The following RHD variants were observed in gnomAD, a reference collection of about 807,000 sequenced individuals.
RHD encodes the protein Rh blood group D antigen.
RHD carries 16 observed loss-of-function variants against 45.5 expected under a neutral mutation model. That is an observed-to-expected ratio of 0.35 (90% CI 0.24 to 0.53). RHD has a LOEUF of 0.53. Ranked by LOEUF, RHD falls within the 20% of genes least tolerant of loss-of-function variation. The pLI is 0.92. For synonymous variants in RHD, 131 were observed against 217.5 expected, an observed-to-expected ratio of 0.60 and a Z score of 3.50; for missense variants, 306 against 532.0, an observed-to-expected ratio of 0.58 and a Z score of 4.18.
rs200415166 is a variant in RHD at position 25,306,624 on chromosome 1, C to A, written c.968C>A (p.Pro323His). 88 of 1,377,838 alleles carry A rather than the reference C, an allele frequency of 6.4e-5. 9 individuals are homozygous for A. In the East Asian group the frequency reaches 1.1e-3, roughly 18 times the overall value. The allele number at this position is 1,377,838 out of a possible 1,614,324, so 85.4% of individuals were successfully genotyped here. The change falls in exon 7 of 10, where the codon CCC becomes CAC. Residue 323 changes from proline to histidine, a missense_variant. Transcript: ENST00000328664. ...PGCCNRVLGIPHSSIMGYNFS... is the reference protein window; with the variant it reads ...PGCCNRVLGIHHSSIMGYNFS... ...TGTTGTAACCGAGTGCTGGGGATTC[C>A]CCACAGCTCCATCATGGGCTACAAC...
rs778010642 is a variant in RHD at position 25,329,156 on chromosome 1, T to C, written c.*232T>C. ...CAATAAAATACAGCCATGTACCACA[T>C]AACAACATCTTGGTAAACAACAGAC... On this transcript the variant is annotated 3_prime_UTR_variant, in exon 10 of 10. Coordinates refer to ENST00000328664, the MANE Select transcript of RHD (RefSeq NM_016124.6). 3.9e-5 allele frequency: 39 copies of C among 1,002,026 alleles called. 7 individuals carry two copies. The South Asian group carries it at 5.4e-4, about 14-fold the overall frequency. The allele number at this position is 1,002,026 out of a possible 1,614,324, so 62.1% of individuals were successfully genotyped here.
Position 25,304,039 on chromosome 1 carries a change from G to A in RHD, c.939+580G>A, listed in dbSNP as rs1249532752. Reference sequence around the variant, plus strand: ...GATGATGTGAGAGGAGCAGCACCCAGAAGAGGGAGTGCTGGGCTGATGGTC... The same window carrying A: ...GATGATGTGAGAGGAGCAGCACCCAAAAGAGGGAGTGCTGGGCTGATGGTC... On this transcript the variant is annotated intron_variant, in intron 6 of 9. Transcript: ENST00000328664. 1.7e-4 allele frequency among the ~76,000 whole-genome samples: 14 copies of A among 84,842 alleles called. 1 individual carries two copies. The highest frequency in any genetic ancestry group is 2.8e-5 in the Non-Finnish European group (1 of 35,164). The allele number at this position is 84,842 out of a possible 152,430, so 55.7% of individuals were successfully genotyped here.
In RHD at chr1:25,296,337, C is replaced by A. The variant is rs1177164564; in HGVS notation, c.487-4609C>A. Among the ~76,000 whole-genome samples the A allele has an allele frequency of 1.1e-4, 13 of 123,292 alleles. 3 individuals are homozygous for A. Among genetic ancestry groups the A allele is most frequent in the Non-Finnish European group, 2.3e-4 (12 of 51,918 alleles). 80.9% of individuals were successfully genotyped at this position (123,292 alleles called of 152,430 possible). A position where few individuals can be genotyped will look rare whatever the true frequency, so the allele number is the denominator to read the frequency against. On this transcript the variant is annotated intron_variant, in intron 3 of 9. Transcript: ENST00000328664. ...TCTCGGCTCACTGCAACCTCCGCCTCCTGGATTCAAGCAATTCTTGTGCCT... is the reference window on the plus strand; with the variant it reads ...TCTCGGCTCACTGCAACCTCCGCCTACTGGATTCAAGCAATTCTTGTGCCT...
At chr1:25,278,474 G>A (rs1641204932) in intron 1 of RHD, among the ~76,000 whole-genome samples, 1 of 131,644 alleles carries the variant, frequency 7.6e-6, no homozygotes, top group South Asian at 2.3e-4. Context: ...AACTGGGCTG[G>A]GTTCAGCTGG....
rs1042846562 is a variant in RHD, at chr1:25,291,312, T to C, written c.486+521T>C. ...GGGGGAACCTCATCTCTACTAAAAA[T>C]ACAAAATTTAGCTGGGCATGGTGGC... On this transcript the variant is annotated intron_variant, in intron 3 of 9. Coordinates refer to ENST00000328664, the MANE Select transcript of RHD (RefSeq NM_016124.6). Among the ~76,000 whole-genome samples the C allele has an allele frequency of 1.5e-5, 2 of 129,132 alleles. 1 individual carries two copies. The highest frequency in any genetic ancestry group is 1.5e-4 in the Admixed American group (2 of 13,266). The allele number at this position is 129,132 out of a possible 152,430, so 84.7% of individuals were successfully genotyped here. A position where few individuals can be genotyped will look rare whatever the true frequency, so the allele number is the denominator to read the frequency against.
chr1:25,308,643 A>C (rs148566051), intron 7 of RHD, among the ~76,000 whole-genome samples: 1,341 of 130,986 alleles, frequency 0.01, 362 homozygotes, highest in Non-Finnish European at 0.02. Flanking sequence ...AGATGAGAAC[A>C]ATCAGCCCAC....
At position 25,322,246 on chromosome 1, in the gene RHD, A is replaced by G. The variant is rs1028937965; in HGVS notation, c.1227+284A>G. ...CCACACTTCCCCTCCCCCTATCTGCAGTCCTCAGCGTAGCCAAATAGTCTG... is the reference window on the plus strand; with the variant it reads ...CCACACTTCCCCTCCCCCTATCTGCGGTCCTCAGCGTAGCCAAATAGTCTG... On this transcript the variant is annotated intron_variant, in intron 9 of 9. Coordinates refer to ENST00000328664, the MANE Select transcript of RHD (RefSeq NM_016124.6). Among the ~76,000 whole-genome samples, 33 of 132,456 alleles carry G rather than the reference A, an allele frequency of 2.5e-4. 7 individuals carry two copies. The highest frequency in any genetic ancestry group is 3.0e-4 in the Non-Finnish European group (17 of 55,852). The allele number at this position is 132,456 out of a possible 152,430, so 86.9% of individuals were successfully genotyped here.
intron 1 of RHD, among the ~76,000 whole-genome samples, chr1:25,274,007 A>G (rs1363864310): frequency 2.3e-5 from 3 of 132,148 alleles, no homozygotes. Context: ...ATTCACTTCA[A>G]TTTACTCTAA....
intron 2 of RHD, 110 bp downstream of exon 2, chr1:25,284,869 T>C: frequency 8.8e-7 from 1 of 1,141,690 alleles, no homozygotes; most frequent in Non-Finnish European, 1.3e-6. Flanking sequence ...GCACCAGTGC[T>C]GTGCAATATT....
intron 3 of RHD, among the ~76,000 whole-genome samples, chr1:25,296,780 G>T (rs1642995659): frequency 8.2e-6 from 1 of 121,590 alleles, no homozygotes; most frequent in South Asian, 2.6e-4. Context: ...CGTAAGATGT[G>T]CCTTGCTTCC....
chr1:25,303,459 G>T lies in RHD; in HGVS notation c.939G>T (p.Pro313=), dbSNP rs200162404. The T allele has an allele frequency of 7.3e-7, 1 of 1,378,852 alleles. No individual in the cohort carries two copies. Among genetic ancestry groups the T allele is most frequent in the African/African-American group, 1.4e-5 (1 of 70,352 alleles). 85.4% of individuals were successfully genotyped at this position (1,378,852 alleles called of 1,614,324 possible). The change falls in exon 6 of 10, where the codon CCG becomes CCT. Residue 313 remains proline (P), a splice_region_variant and synonymous_variant. Coordinates refer to ENST00000328664, the MANE Select transcript of RHD (RefSeq NM_016124.6). The part of the protein sequence containing the change: ...LISVGGAKYL[P]GCCNRVLGIP... Reference sequence around the variant, plus strand: ...CCGTCGGGGGAGCCAAGTACCTGCCGGTAAGAAACTAGACAACTAACCTCC... The same window carrying T: ...CCGTCGGGGGAGCCAAGTACCTGCCTGTAAGAAACTAGACAACTAACCTCC...
At chr1:25,289,216 A>T (rs1416071586) in intron 2 of RHD, among the ~76,000 whole-genome samples, 1 of 132,340 alleles carries the variant, frequency 7.6e-6, no homozygotes, top group Non-Finnish European at 1.8e-5. Context: ...TGTGTGTGTG[A>T]GGCAGTCTTA....
At chr1:25,319,474 G>A (rs1215947478) in intron 8 of RHD, among the ~76,000 whole-genome samples, 1 of 131,852 alleles carries the variant, frequency 7.6e-6, no homozygotes, top group Admixed American at 7.4e-5. Flanking sequence ...AGCCAGGCGT[G>A]GTGGTACACC....
At chr1:25,287,181 T>G (rs1642098686) in intron 2 of RHD, among the ~76,000 whole-genome samples, 1 of 135,332 alleles carries the variant, frequency 7.4e-6, no homozygotes, top group African/African-American at 2.6e-5. Context: ...ACACACACTG[T>G]GTCCACCTGG....
rs1159573452 is a variant in RHD at position 25,278,480 on chromosome 1, G to A, written c.148+5785G>A. ...TGGTGCAACAACTGGGCTGGGTTCA[G>A]CTGGGCAGTTCTTCTGTTAGTTTCA... On this transcript the variant is annotated intron_variant, in intron 1 of 9. Transcript: ENST00000328664. 4.6e-5 allele frequency among the ~76,000 whole-genome samples: 6 copies of A among 131,804 alleles called. 2 individuals are homozygous for A. The highest frequency in any genetic ancestry group is 1.1e-4 in the Non-Finnish European group (6 of 55,640). The allele number at this position is 131,804 out of a possible 152,430, so 86.5% of individuals were successfully genotyped here.
chr1:25,298,466 C>T (rs617674), intron 3 of RHD, among the ~76,000 whole-genome samples: 1,335 of 105,570 alleles, frequency 0.013, 100 homozygotes, highest in African/African-American at 0.029. Flanking sequence ...GCAGGAGGGC[C>T]CGGGGGAACC....
chr1:25,287,799 G>T (rs1571616892), intron 2 of RHD, among the ~76,000 whole-genome samples: 1 of 134,024 alleles, frequency 7.5e-6, no homozygotes, highest in South Asian at 2.2e-4. Flanking sequence ...ATAGCTCATT[G>T]CAGCCTGTGC....
rs1644072581 is a variant in RHD, at chr1:25,310,305, G to A, written c.1073+3576G>A. On this transcript the variant is annotated intron_variant, in intron 7 of 9. Coordinates refer to ENST00000328664, the MANE Select transcript of RHD (RefSeq NM_016124.6). Reference sequence around the variant, plus strand: ...TTAGGATTAGATAAGGTCATGGGGTGAGGTATGATGGCACTGGTGACTTAT... The same window carrying A: ...TTAGGATTAGATAAGGTCATGGGGTAAGGTATGATGGCACTGGTGACTTAT... Among the ~76,000 whole-genome samples the A allele has an allele frequency of 1.5e-5, 2 of 133,038 alleles. 1 individual carries two copies. Among genetic ancestry groups the A allele is most frequent in the Admixed American group, 1.5e-4 (2 of 13,624 alleles). The allele number at this position is 133,038 out of a possible 152,430, so 87.3% of individuals were successfully genotyped here.
At position 25,287,889 on chromosome 1, in the gene RHD, A is replaced by C. The variant is rs1271655868; in HGVS notation, c.336-2752A>C. ...AGGCGCCTGCTACCATGCCCTGCTA[A>C]TTTTTGTATTTTTAGTAGACAAGGG... On this transcript the variant is annotated intron_variant, in intron 2 of 9. Coordinates refer to ENST00000328664, the MANE Select transcript of RHD (RefSeq NM_016124.6). Among the ~76,000 whole-genome samples the C allele has an allele frequency of 1.6e-5, 2 of 126,228 alleles. 1 individual carries two copies. The highest frequency in any genetic ancestry group is 1.5e-4 in the Admixed American group (2 of 12,936). The allele number at this position is 126,228 out of a possible 152,430, so 82.8% of individuals were successfully genotyped here. A position where few individuals can be genotyped will look rare whatever the true frequency, so the allele number is the denominator to read the frequency against.
Sources: gnomAD v4.1 joint callset for allele counts (sites outside exome capture counted in the v4.1 genomes callset) on GRCh38, gnomAD v4.1.1 for gene constraint, MANE v1.5 for transcripts, NCBI Gene and HGNC (gene_info 2026-07-23, HGNC 2026-07-21) for gene names.